The following C12orf54 variants were observed in gnomAD, a reference collection of about 807,000 sequenced individuals.
The protein encoded by C12orf54 is uncharacterized protein C12orf54.
A neutral mutation model predicts 26.4 loss-of-function variants in C12orf54; 24 were observed. That is an observed-to-expected ratio of 0.91 (90% CI 0.66 to 1.28). The LOEUF is 1.28. Ranked by LOEUF, C12orf54 falls within the 50% of genes most tolerant of loss-of-function variation. The pLI is 0.00. For synonymous variants in C12orf54, 54 were observed against 47.0 expected (o/e 1.15, Z -0.61); for missense variants, 154 against 150.9 (o/e 1.02, Z -0.11).
chr12:48,465,464 G>A, the C12orf54 span, among the ~76,000 whole-genome samples: 1 of 152,122 alleles, frequency 6.6e-6, no homozygotes, highest in Non-Finnish European at 1.5e-5. Context: ...CACTATTGGT[G>A]GGAGTGTAAA....
upstream of C12orf54, among the ~76,000 whole-genome samples, chr12:48,482,082 T>A: frequency 6.6e-6 from 1 of 152,358 alleles, no homozygotes; most frequent in Non-Finnish European, 1.5e-5. Flanking sequence ...TAAATCTAAA[T>A]GGTTTTAAAT....
chr12:48,494,446 A>G (rs1937866993), intron 7 of C12orf54, among the ~76,000 whole-genome samples: 1 of 152,232 alleles, frequency 6.6e-6, no homozygotes, highest in South Asian at 2.1e-4. Context: ...ACAAAATTCT[A>G]AATGTAAACC....
At chr12:48,459,000 C>CTCACTTT in the C12orf54 span, among the ~76,000 whole-genome samples, 8 of 151,578 alleles carry the variant, frequency 5.3e-5, no homozygotes, top group African/African-American at 9.7e-5. Flanking sequence ...CTTTTTTGAA[C>CTCACTTT]CTCCTGTAAG....
At chr12:48,460,929 C>A in the C12orf54 span, among the ~76,000 whole-genome samples, 2 of 151,872 alleles carry the variant, frequency 1.3e-5, no homozygotes, top group African/African-American at 4.8e-5. Flanking sequence ...AGTGAAAAAC[C>A]TAAATGTCAA....
chr12:48,451,132 G>A, the C12orf54 span, among the ~76,000 whole-genome samples: 1 of 152,156 alleles, frequency 6.6e-6, no homozygotes, highest in Non-Finnish European at 1.5e-5. Context: ...AAGTTTATCT[G>A]CCATAATCAC....
the C12orf54 span, among the ~76,000 whole-genome samples, chr12:48,439,056 C>T: frequency 6.6e-6 from 1 of 152,008 alleles, no homozygotes; most frequent in African/African-American, 2.4e-5. Flanking sequence ...AACAAATTTA[C>T]AAGAAAAAAA....
the C12orf54 span, among the ~76,000 whole-genome samples, chr12:48,428,374 C>T: frequency 6.6e-6 from 1 of 151,138 alleles, no homozygotes; most frequent in South Asian, 2.1e-4. Flanking sequence ...ATAAATGAAA[C>T]AAAAAACTGC....
chr12:48,429,791 T>C, the C12orf54 span, among the ~76,000 whole-genome samples: 1 of 152,140 alleles, frequency 6.6e-6, no homozygotes, highest in East Asian at 1.9e-4. Flanking sequence ...CCATCATCAT[T>C]CTTCACAGAT....
At chr12:48,439,968 T>G in the C12orf54 span, among the ~76,000 whole-genome samples, 3 of 152,174 alleles carry the variant, frequency 2.0e-5, no homozygotes. Context: ...CTCATGCCTG[T>G]AATCCCAGCA....
chr12:48,468,496 A>G, the C12orf54 span, among the ~76,000 whole-genome samples: 1 of 152,156 alleles, frequency 6.6e-6, no homozygotes, highest in Admixed American at 6.6e-5. Flanking sequence ...GTATTTGTTT[A>G]TTTATTTATT....
At chr12:48,489,163 G>A (rs1244393859) in intron 5 of C12orf54, 3 of 732,352 alleles carry the variant, frequency 4.1e-6, no homozygotes, top group Admixed American at 1.9e-5. Flanking sequence ...TTGAGGAAAT[G>A]TGATAATACA....
the C12orf54 span, among the ~76,000 whole-genome samples, chr12:48,463,444 C>T: frequency 3.3e-5 from 5 of 151,814 alleles, no homozygotes; most frequent in African/African-American, 4.8e-5. Context: ...AGCCTACCAA[C>T]TTTAAAAAGC....
At chr12:48,422,555 T>C in the C12orf54 span, among the ~76,000 whole-genome samples, 2 of 152,134 alleles carry the variant, frequency 1.3e-5, no homozygotes, top group Non-Finnish European at 2.9e-5. Flanking sequence ...AAACTTGACC[T>C]TTTTTTCTGT....
the C12orf54 span, among the ~76,000 whole-genome samples, chr12:48,419,592 G>C: frequency 1.3e-5 from 2 of 152,148 alleles, no homozygotes; most frequent in African/African-American, 4.8e-5. Context: ...TAGATGATGG[G>C]GGGTAGGAGA....
At chr12:48,476,862 C>A in the C12orf54 span, among the ~76,000 whole-genome samples, 3 of 152,108 alleles carry the variant, frequency 2.0e-5, no homozygotes, top group African/African-American at 7.2e-5. Context: ...ACAAGGATAT[C>A]GAGGAATTGA....
the C12orf54 span, among the ~76,000 whole-genome samples, chr12:48,450,257 C>G: frequency 2.0e-5 from 3 of 152,058 alleles, no homozygotes; most frequent in African/African-American, 7.2e-5. Context: ...GAAATTAAGG[C>G]AGAAATCAAG....
At chr12:48,493,512 C>T (rs1030529906) in intron 7 of C12orf54, among the ~76,000 whole-genome samples, 2 of 149,938 alleles carry the variant, frequency 1.3e-5, no homozygotes, top group Non-Finnish European at 3.0e-5. Context: ...CCCAGCTACT[C>T]GGGAGGCTGA....
the C12orf54 span, chr12:48,473,247 G>A: frequency 5.4e-6 from 6 of 1,109,062 alleles, no homozygotes; most frequent in Admixed American, 1.9e-5. Flanking sequence ...CGAGGATGAG[G>A]AGGAGGAACG....
the C12orf54 span, among the ~76,000 whole-genome samples, chr12:48,455,055 C>T: frequency 6.6e-6 from 1 of 152,170 alleles, no homozygotes; most frequent in African/African-American, 2.4e-5. Context: ...ATTTCATCAT[C>T]CAGGTAGTGA....
Sources: gnomAD v4.1 joint callset for allele counts (sites outside exome capture counted in the v4.1 genomes callset) on GRCh38, gnomAD v4.1.1 for gene constraint, MANE v1.5 for transcripts, NCBI Gene and HGNC (gene_info 2026-07-23, HGNC 2026-07-21) for gene names.